The following MAPKAPK3 variants were observed in gnomAD, a reference collection of about 807,000 sequenced individuals.
MAPKAPK3 encodes MAP kinase-activated protein kinase 3.
A neutral mutation model predicts 49.2 loss-of-function variants in MAPKAPK3; 35 were observed. The ratio of observed to expected loss-of-function variants is 0.71; its 90% confidence interval spans 0.54 to 0.94. The LOEUF (loss-of-function observed/expected upper bound fraction) is 0.94. Among genes scored for constraint, MAPKAPK3 ranks in the 40% least tolerant of loss-of-function variants. The pLI is 0.00. For synonymous variants in MAPKAPK3, 178 were observed against 188.7 expected (o/e 0.94, Z 0.46); for missense variants, 398 against 493.1 (o/e 0.81, Z 1.83).
chr3:50,617,458 A>T, intron 1 of MAPKAPK3, 56 bp from the exon 2 acceptor site: 1 of 637,418 alleles, frequency 1.6e-6, no homozygotes, highest in Non-Finnish European at 2.7e-6. Flanking sequence ...AGAGGCTCCA[A>T]GGCTGGGGTG....
intron 10 of MAPKAPK3, 138 bp from the exon 11 acceptor site, chr3:50,647,756 C>T (rs1164458164): frequency 2.5e-6 from 2 of 788,750 alleles, no homozygotes; most frequent in African/African-American, 3.5e-5. Context: ...AGGGCTTGGC[C>T]CAGTGCTGGG....
rs386396609 is a variant in MAPKAPK3 at position 50,635,406 on chromosome 3, C to CTTTTTTTTTT, written c.220-4940_220-4931dup. Among the ~76,000 whole-genome samples the CTTTTTTTTTT allele has an allele frequency of 1.9e-4, 9 of 48,624 alleles. 2 individuals carry two copies. Among genetic ancestry groups the CTTTTTTTTTT allele is most frequent in the African/African-American group, 6.6e-4 (7 of 10,660 alleles). 31.9% of individuals were successfully genotyped at this position (48,624 alleles called of 152,430 possible). Reference sequence around the variant, plus strand: ...CTCACTGGGGCCTCCTCAATTTAATCTTTTTTTTTTTTTTTTTTTTTTTTT... The same window carrying CTTTTTTTTTT: ...CTCACTGGGGCCTCCTCAATTTAATCTTTTTTTTTTTTTTTTTTTTTTTTTTTTTTTTTTT... On this transcript the variant is annotated intron_variant, in intron 2 of 10. Transcript: ENST00000621469.
chr3:50,628,745 G>C (rs943117887), intron 2 of MAPKAPK3, among the ~76,000 whole-genome samples: 2 of 152,160 alleles, frequency 1.3e-5, no homozygotes, highest in East Asian at 1.9e-4. Context: ...AGAACCTCTG[G>C]GGGAGGGGAG....
intron 4 of MAPKAPK3, 133 bp from the exon 5 acceptor site, chr3:50,642,120 C>T (rs540904941): frequency 4.4e-6 from 3 of 682,750 alleles, no homozygotes; most frequent in South Asian, 3.4e-5. Context: ...GGATAGAGAA[C>T]CTGGATAGCA....
rs546757042 is a variant in MAPKAPK3 at position 50,636,104 on chromosome 3, C to T, written c.220-4262C>T. Among the ~76,000 whole-genome samples the T allele has an allele frequency of 1.4e-3, 217 of 152,082 alleles. 1 individual carries two copies. The highest frequency in any genetic ancestry group is 3.5e-3 in the South Asian group (17 of 4,820). On this transcript the variant is annotated intron_variant, in intron 2 of 10. Transcript: ENST00000621469. ...CCAGCCTGGGTGACAGAGCAAGATT[C>T]TGTCTCAAAAAAAAAATCTACAACT...
chr3:50,646,332 CT>C (rs2033296419), intron 8 of MAPKAPK3, 68 bp downstream of exon 8: 1 of 1,602,228 alleles, frequency 6.2e-7, no homozygotes, highest in Non-Finnish European at 8.5e-7. Context: ...GGAAACATCA[CT>C]TTGGTGTCAA....
At chr3:50,645,820 T>G in intron 7 of MAPKAPK3, 35 bp downstream of exon 7, 2 of 1,589,520 alleles carry the variant, frequency 1.3e-6, no homozygotes, top group Non-Finnish European at 1.7e-6. Context: ...CTCCATCTCC[T>G]GCCCTTACCC....
chr3:50,615,789 G>A (rs183757187), upstream of MAPKAPK3, among the ~76,000 whole-genome samples: 38 of 152,352 alleles, frequency 2.5e-4, no homozygotes, highest in East Asian at 7.3e-3. Flanking sequence ...CTTGAAGGTT[G>A]CCTGAAAGAA....
At position 50,647,206 on chromosome 3, in the gene MAPKAPK3, G is replaced by A. The variant is rs1459526134; in HGVS notation, c.996+3G>A. The stretch of plus-strand genomic sequence containing the variant: ...AAGACCACTGGGACGAAGTCAAGGT[G>A]GGTGGGCTCTGCCTCAGTCTCAATA... On this transcript the variant is annotated splice_donor_region_variant and intron_variant, in intron 10 of 10. Transcript: ENST00000621469. 6.3e-7 allele frequency: 1 copy of A among 1,581,698 alleles called. No individual in the cohort carries two copies. The highest frequency in any genetic ancestry group is 8.6e-7 in the Non-Finnish European group (1 of 1,163,406).
chr3:50,611,943 C>G (rs391511), exon 1 of MAPKAPK3: 2 of 425,314 alleles, frequency 4.7e-6, no homozygotes, highest in Non-Finnish European at 8.3e-6. Context: ...GGTGCGCGGG[C>G]CCCGTCGCCG....
At position 50,641,734 on chromosome 3, in the gene MAPKAPK3, G is replaced by C. The variant is rs199541398; in HGVS notation, c.387G>C (p.Arg129Ser). ...ECMEGGELFS[R>S]IQERGDQAFT... ...TGGAAGGTGGTGAGTTGTTCAGCAG[G>C]ATTCAGGAGCGTGGCGACCAGGCTT... The change falls in exon 4 of 11, where the codon AGG becomes AGC. Residue 129 changes from arginine (R) to serine (S), a missense_variant. Arg to Ser is a moderately radical substitution (Grantham distance 110). Coordinates refer to ENST00000621469, the MANE Select transcript of MAPKAPK3 (RefSeq NM_001243925.2). 6.2e-7 allele frequency: 1 copy of C among 1,614,194 alleles called. No homozygotes were observed. Among genetic ancestry groups the C allele is most frequent in the Admixed American group, 1.7e-5 (1 of 60,026 alleles).
chr3:50,645,111 C>G (rs1559490547), intron 6 of MAPKAPK3, among the ~76,000 whole-genome samples: 1 of 152,126 alleles, frequency 6.6e-6, no homozygotes, highest in Non-Finnish European at 1.5e-5. Context: ...GGGCTTTTCT[C>G]CCTCAGAAGA....
chr3:50,619,770 A>G (rs993582714), intron 2 of MAPKAPK3, among the ~76,000 whole-genome samples: 1 of 152,248 alleles, frequency 6.6e-6, no homozygotes, highest in East Asian at 1.9e-4. Context: ...TTTAAGTAAG[A>G]CTGGACTTAA....
At chr3:50,611,750 G>A (rs917540570), upstream of MAPKAPK3, 7 of 1,379,394 alleles carry the variant, frequency 5.1e-6, no homozygotes, top group Middle Eastern at 2.5e-4. Context: ...AGGCTCCCGG[G>A]GCGCGCGGGC....
At position 50,647,058 on chromosome 3, in the gene MAPKAPK3, A is replaced by C. The variant is rs4468971; in HGVS notation, c.916-65A>C. The C allele has an allele frequency of 1.1e-5, 15 of 1,357,246 alleles. No individual in the cohort carries two copies. The South Asian group carries it at 1.5e-4, about 14-fold the overall frequency. The allele number at this position is 1,357,246 out of a possible 1,614,324, so 84.1% of individuals were successfully genotyped here. On this transcript the variant is annotated intron_variant, in intron 9 of 10. Transcript: ENST00000621469. The stretch of plus-strand genomic sequence containing the variant: ...TGAGTCTGGGAGAAGAGGATGGAGT[A>C]GGGGGAACCAGTGCTGTCCCAGGTG...
intron 2 of MAPKAPK3, 56 bp from the exon 3 acceptor site, chr3:50,640,310 C>A (rs1235521939): frequency 9.6e-6 from 15 of 1,564,482 alleles, no homozygotes; most frequent in Non-Finnish European, 1.0e-5. Context: ...TTTTTGTCTG[C>A]AAAATGATGG....
At chr3:50,647,058 A>G (rs4468971) in intron 9 of MAPKAPK3, 65 bp from the exon 10 acceptor site, 1,356,547 of 1,357,362 alleles carry the variant, frequency 1, 677,872 homozygotes, top group Non-Finnish European at 1. Context: ...AGGATGGAGT[A>G]GGGGGAACCA....
upstream of MAPKAPK3, among the ~76,000 whole-genome samples, chr3:50,614,564 T>C (rs76600355): frequency 1.4e-3 from 206 of 150,656 alleles, 4 homozygotes; most frequent in East Asian, 0.033. Flanking sequence ...CCCCTCACTT[T>C]AAGCTATTCC....
chr3:50,627,981 C>T (rs925976273), intron 2 of MAPKAPK3, among the ~76,000 whole-genome samples: 2 of 152,156 alleles, frequency 1.3e-5, no homozygotes, highest in Non-Finnish European at 2.9e-5. Flanking sequence ...GGGAGAGATG[C>T]TGAGCAGATA....
Sources: allele counts gnomAD v4.1 joint callset (sites outside exome capture counted in the v4.1 genomes callset), GRCh38; gene constraint gnomAD v4.1.1; transcripts MANE v1.5; gene names NCBI Gene and HGNC (gene_info 2026-07-23, HGNC 2026-07-21).